PDE1C: variants seen among roughly 807,000 people sequenced by gnomAD.
PDE1C encodes dual specificity calcium/calmodulin-dependent 3',5'-cyclic nucleotide phosphodiesterase 1C.
A neutral mutation model predicts 93.1 loss-of-function variants in PDE1C; 62 were observed. The ratio of observed to expected loss-of-function variants is 0.67; its 90% confidence interval spans 0.54 to 0.82. The LOEUF (loss-of-function observed/expected upper bound fraction) is 0.82. Ranked by LOEUF, PDE1C falls within the 40% of genes least tolerant of loss-of-function variation. PDE1C has a pLI of 0.00. For missense variants in PDE1C, 742 were observed against 884.6 expected (o/e 0.84, Z 2.04); for synonymous variants, 325 against 310.1 (o/e 1.05, Z -0.50).
intron 2 of PDE1C, among the ~76,000 whole-genome samples, chr7:31,910,992 C>G (rs1801169914): frequency 6.6e-6 from 1 of 152,140 alleles, no homozygotes; most frequent in Non-Finnish European, 1.5e-5. Context: ...TGTTGAAATA[C>G]TGAACCTAAA....
At chr7:32,005,157 G>A (rs1786026810) in intron 2 of PDE1C, among the ~76,000 whole-genome samples, 1 of 152,034 alleles carries the variant, frequency 6.6e-6, no homozygotes. Flanking sequence ...AGACTGAATT[G>A]ATCAAAACCC....
Position 31,837,270 on chromosome 7 carries a change from C to T in PDE1C, c.1113G>A (p.Met371Ile). Residue 371 changes from methionine to isoleucine, a missense_variant, in exon 11 of 18, where the codon ATG (methionine) becomes ATA (isoleucine). This residue lies in a region of PDE1C where 454 missense variants were observed against 459.4 expected (regional missense o/e 0.99). Transcript: ENST00000396191. ...GATGGCTAATATCTGCTGTATGCAG[C>T]ATAAGGGATAAGGCTTTTGGCTTTT... is the stretch of plus-strand genomic sequence containing the variant. ...AIEKPKALSLMLHTADISHPA... is the reference protein window; with the variant it reads ...AIEKPKALSLILHTADISHPA... 6.2e-7 allele frequency: 1 copy of T among 1,613,494 alleles called. No homozygotes were observed. Among genetic ancestry groups the T allele is most frequent in the Non-Finnish European group, 8.5e-7 (1 of 1,179,636 alleles).
rs150022339 is a variant in PDE1C at position 31,766,923 on chromosome 7, A to G, written c.1960+8741T>C. Among the ~76,000 whole-genome samples the G allele has an allele frequency of 7.3e-4, 111 of 152,352 alleles. 2 individuals are homozygous for G. In the East Asian group the frequency reaches 0.02, roughly 27 times the overall value. On this transcript the variant is annotated intron_variant, in intron 17 of 17. Transcript: ENST00000396191. ...TATTTTGCATAGAATTTCTTTTACT[A>G]TGCATTAGCAAACCTAATGTATGGC...
chr7:31,631,722 C>G, the PDE1C span, among the ~76,000 whole-genome samples: 1 of 152,106 alleles, frequency 6.6e-6, no homozygotes, highest in South Asian at 2.1e-4. Flanking sequence ...GGCTGTAAGA[C>G]CTTGAAACCA....
At chr7:32,090,493 G>A (rs1235076538) in intron 3 of PDE1C, among the ~76,000 whole-genome samples, 1 of 152,160 alleles carries the variant, frequency 6.6e-6, no homozygotes, top group Non-Finnish European at 1.5e-5. Flanking sequence ...AGGGGCCTCA[G>A]CACCAATATC....
At chr7:31,630,792 T>C in the PDE1C span, among the ~76,000 whole-genome samples, 1 of 152,104 alleles carries the variant, frequency 6.6e-6, no homozygotes, top group East Asian at 1.9e-4. Flanking sequence ...AAAGAGATGT[T>C]AAAAGCAAAA....
chr7:31,870,810 T>C, intron 6 of PDE1C, among the ~76,000 whole-genome samples: 1 of 151,858 alleles, frequency 6.6e-6, no homozygotes, highest in East Asian at 1.9e-4. Context: ...CAACAATAAA[T>C]CAAAATTACA....
rs115356048 is a variant in PDE1C, at chr7:32,359,204, G to A, written c.310+68618C>T. ...TCTTCCTAGTAACTTTTCATCCTCC[G>A]ACCACCTCCCTTTCCCCGAACCCTG... On this transcript the variant is annotated intron_variant, in intron 1 of 1. Transcript: ENST00000672256. Among the ~76,000 whole-genome samples, 153 of 151,862 alleles carry A rather than the reference G, an allele frequency of 1.0e-3. 2 individuals carry two copies. Among genetic ancestry groups the A allele is most frequent in the African/African-American group, 3.2e-3 (132 of 41,406 alleles).
chr7:31,984,620 G>A (rs1040574673), intron 2 of PDE1C, among the ~76,000 whole-genome samples: 1 of 152,120 alleles, frequency 6.6e-6, no homozygotes, highest in African/African-American at 2.4e-5. Flanking sequence ...CGTGCACACT[G>A]GGCTCTGCAA....
the PDE1C span, chr7:31,652,445 C>G: frequency 6.7e-7 from 1 of 1,498,434 alleles, no homozygotes; most frequent in Non-Finnish European, 8.9e-7. Context: ...ATGCCTAGCT[C>G]ACAAGTTTGA....
At chr7:32,233,069 C>T (rs976452197) in intron 1 of PDE1C, among the ~76,000 whole-genome samples, 2 of 152,054 alleles carry the variant, frequency 1.3e-5, no homozygotes, top group African/African-American at 4.8e-5. Context: ...CAGACATCAA[C>T]GTTGAGATGG....
chr7:31,670,785 T>C, the PDE1C span, among the ~76,000 whole-genome samples: 1 of 152,050 alleles, frequency 6.6e-6, no homozygotes, highest in Non-Finnish European at 1.5e-5. Context: ...CACTTGAATG[T>C]TGCCTTTTCC....
intron 1 of PDE1C, among the ~76,000 whole-genome samples, chr7:32,362,677 T>C (rs1355393675): frequency 6.6e-6 from 1 of 152,184 alleles, no homozygotes; most frequent in Non-Finnish European, 1.5e-5. Flanking sequence ...ACACTTCTTG[T>C]ACACACCCTC....
At chr7:31,841,060 T>G (rs1255690360) in intron 9 of PDE1C, among the ~76,000 whole-genome samples, 1 of 152,116 alleles carries the variant, frequency 6.6e-6, no homozygotes, top group Non-Finnish European at 1.5e-5. Context: ...TTAGTTCCTC[T>G]ATAATCAGCA....
At chr7:31,767,703 A>G (rs1562760766) in intron 17 of PDE1C, among the ~76,000 whole-genome samples, 1 of 152,210 alleles carries the variant, frequency 6.6e-6, no homozygotes, top group Admixed American at 6.5e-5. Flanking sequence ...AACAACAGAA[A>G]TTTATTTCTT....
chr7:32,355,823 C>T (rs1784019875), intron 1 of PDE1C, among the ~76,000 whole-genome samples: 1 of 152,208 alleles, frequency 6.6e-6, no homozygotes, highest in East Asian at 1.9e-4. Context: ...AAATGCAATA[C>T]ATACTCTCTG....
At chr7:31,892,847 A>G (rs1341075400) in intron 2 of PDE1C, among the ~76,000 whole-genome samples, 1 of 152,226 alleles carries the variant, frequency 6.6e-6, no homozygotes, top group Non-Finnish European at 1.5e-5. Flanking sequence ...TCTGTTGCAC[A>G]GCATGGTGAC....
intron 16 of PDE1C, among the ~76,000 whole-genome samples, chr7:31,806,414 G>T (rs970813730): frequency 6.6e-6 from 1 of 151,962 alleles, no homozygotes. Flanking sequence ...GTTTAAAGAT[G>T]ATTAGAATCT....
At chr7:31,790,448 T>G (rs567071926) in intron 16 of PDE1C, among the ~76,000 whole-genome samples, 51 of 152,260 alleles carry the variant, frequency 3.3e-4, no homozygotes, top group African/African-American at 9.9e-4. Flanking sequence ...GGGGAAAATG[T>G]CAGTGCAAAA....
Sources: allele counts gnomAD v4.1 joint callset (sites outside exome capture counted in the v4.1 genomes callset), GRCh38; gene constraint gnomAD v4.1.1; regional missense constraint gnomAD v4.1.1; transcripts MANE v1.5; gene names NCBI Gene and HGNC (gene_info 2026-07-23, HGNC 2026-07-21).